Variants in LINGO2 observed in about 807,000 individuals in gnomAD.
LINGO2 encodes the protein leucine rich repeat and Ig domain containing 2.
A neutral mutation model predicts 30.6 loss-of-function variants in LINGO2; 14 were observed. The observed-to-expected ratio is 0.46, with a 90% CI of 0.30 to 0.72. The LOEUF (loss-of-function observed/expected upper bound fraction) is 0.72, where lower values mean the gene tolerates loss of function less well. Among genes scored for constraint, LINGO2 ranks in the 30% least tolerant of loss-of-function variants. The pLI is 0.07. For synonymous variants in LINGO2, 317 were observed against 288.5 expected (o/e 1.10, Z -1.00); for missense variants, 729 against 751.7 (o/e 0.97, Z 0.35).
In LINGO2 at chr9:28,652,698, G is replaced by A. The variant is rs1303986142; in HGVS notation, c.-365+17502C>T. ...TCCTTCTTATCTAGTAAGACATGTT[G>A]CTGAAATCCCAGAAAAAAAAAGGAA... On this transcript the variant is annotated intron_variant, in intron 1 of 5. Transcript: ENST00000379992. Among the ~76,000 whole-genome samples, 5 of 151,172 alleles carry A rather than the reference G, an allele frequency of 3.3e-5. No individual in the cohort carries two copies. The Admixed American group carries it at 3.3e-4, about 10-fold the overall frequency.
At chr9:28,119,614 C>A (rs1587024053) in intron 4 of LINGO2, among the ~76,000 whole-genome samples, 1 of 152,134 alleles carries the variant, frequency 6.6e-6, no homozygotes, top group African/African-American at 2.4e-5. Flanking sequence ...TTTTATCAAA[C>A]CTTTTGCCTG....
At chr9:28,486,932 A>G (rs1826191597) in intron 1 of LINGO2, among the ~76,000 whole-genome samples, 1 of 152,108 alleles carries the variant, frequency 6.6e-6, no homozygotes, top group South Asian at 2.1e-4. Flanking sequence ...CACAAAGAGA[A>G]AAAACATTTA....
At chr9:28,533,782 A>C (rs565771482) in intron 1 of LINGO2, among the ~76,000 whole-genome samples, 27 of 152,302 alleles carry the variant, frequency 1.8e-4, no homozygotes, top group Admixed American at 1.7e-3. Flanking sequence ...CAGCACCCAG[A>C]ACAGTACCTG....
chr9:28,710,235 C>A, the LINGO2 span, among the ~76,000 whole-genome samples: 1 of 151,766 alleles, frequency 6.6e-6, no homozygotes, highest in African/African-American at 2.4e-5. Flanking sequence ...GAGGACACAG[C>A]AAGAAGGTAA....
At chr9:28,081,417 A>G (rs1330212230) in intron 4 of LINGO2, among the ~76,000 whole-genome samples, 6 of 152,220 alleles carry the variant, frequency 3.9e-5, no homozygotes, top group African/African-American at 7.2e-5. Context: ...TAAAAGAGGG[A>G]AAAAAGTGCC....
intron 1 of LINGO2, among the ~76,000 whole-genome samples, chr9:28,589,066 C>T (rs1033124054): frequency 5.3e-5 from 8 of 152,174 alleles, no homozygotes; most frequent in East Asian, 1.9e-4. Context: ...ATTATCTCAA[C>T]AGATGCAGAA....
intron 5 of LINGO2, among the ~76,000 whole-genome samples, chr9:27,952,849 G>A (rs1237258328): frequency 6.6e-6 from 1 of 152,024 alleles, no homozygotes. Context: ...TGTGAATAAA[G>A]TTAGAAACCC....
chr9:28,211,907 TG>T (rs1820605281), intron 4 of LINGO2, among the ~76,000 whole-genome samples: 1 of 151,446 alleles, frequency 6.6e-6, no homozygotes, highest in African/African-American at 2.4e-5. Flanking sequence ...GTTAGTATTC[TG>T]CTTTGCATTC....
chr9:28,959,371 C>G, the LINGO2 span, among the ~76,000 whole-genome samples: 1 of 151,404 alleles, frequency 6.6e-6, no homozygotes, highest in Non-Finnish European at 1.5e-5. Context: ...AGAGATAGAT[C>G]AGAGGTGAGG....
chr9:27,989,443 CTCTGTGTGTGTGTGTG>C (rs1821282728), intron 5 of LINGO2, among the ~76,000 whole-genome samples: 3 of 125,812 alleles, frequency 2.4e-5, no homozygotes, highest in South Asian at 5.0e-4. Flanking sequence ...AGTGAATGCT[CTCTGTGTGTGTGTGTG>C]TGTGTGTGTG....
chr9:28,441,275 TTTTTTTTTTTTTTTG>T (rs1824186676), intron 2 of LINGO2, among the ~76,000 whole-genome samples: 1 of 136,498 alleles, frequency 7.3e-6, no homozygotes, highest in African/African-American at 2.8e-5. Flanking sequence ...TTTTTTTTTT[TTTTTTTTTTTTTTTG>T]GTGAATTAGC....
At position 28,338,504 on chromosome 9, in the gene LINGO2, G is replaced by T. The variant is rs114335235; in HGVS notation, c.-246+34332C>A. Among the ~76,000 whole-genome samples, 290 of 152,246 alleles carry T rather than the reference G, an allele frequency of 1.9e-3. 2 individuals carry two copies. The highest frequency in any genetic ancestry group is 6.5e-3 in the African/African-American group (268 of 41,548). ...TGTCTTTTGAAATGTGAGGACATGA[G>T]ATTTGGGAGGTACCAGGGGCAGAAT... On this transcript the variant is annotated intron_variant, in intron 3 of 5. Transcript: ENST00000379992.
At chr9:28,346,032 T>A (rs575038967) in intron 3 of LINGO2, among the ~76,000 whole-genome samples, 1 of 152,350 alleles carries the variant, frequency 6.6e-6, no homozygotes, top group East Asian at 1.9e-4. Context: ...TCCACAGATT[T>A]CTGATTTATC....
intron 4 of LINGO2, among the ~76,000 whole-genome samples, chr9:28,025,478 T>C (rs1245091222): frequency 6.6e-6 from 1 of 152,192 alleles, no homozygotes; most frequent in Non-Finnish European, 1.5e-5. Flanking sequence ...GCCTGACTTA[T>C]ATGTAGACTC....
chr9:29,114,138 T>C, the LINGO2 span, among the ~76,000 whole-genome samples: 69 of 149,816 alleles, frequency 4.6e-4, no homozygotes, highest in African/African-American at 1.7e-3. Context: ...CTTAAAAAAA[T>C]CTGTGAATGA....
intron 4 of LINGO2, among the ~76,000 whole-genome samples, chr9:28,149,669 TTA>T (rs1276624974): frequency 2.0e-4 from 28 of 138,298 alleles, no homozygotes; most frequent in African/African-American, 5.0e-4. Flanking sequence ...CCCGGCCCCC[TTA>T]CACTCTGGGA....
At chr9:28,521,319 A>G (rs1426496908) in intron 1 of LINGO2, among the ~76,000 whole-genome samples, 1 of 152,214 alleles carries the variant, frequency 6.6e-6, no homozygotes, top group African/African-American at 2.4e-5. Context: ...TATACTATTC[A>G]AAACTGTAGT....
the LINGO2 span, among the ~76,000 whole-genome samples, chr9:28,714,369 C>A: frequency 6.6e-6 from 1 of 151,696 alleles, no homozygotes; most frequent in Non-Finnish European, 1.5e-5. Context: ...AAATGCTTGC[C>A]AAGCACTTTT....
At chr9:28,938,785 G>T in the LINGO2 span, among the ~76,000 whole-genome samples, 1 of 151,986 alleles carries the variant, frequency 6.6e-6, no homozygotes, top group African/African-American at 2.4e-5. Context: ...TCTAACAATG[G>T]GTTTCTCAGA....
Sources: allele counts gnomAD v4.1 joint callset (sites outside exome capture counted in the v4.1 genomes callset), GRCh38; gene constraint gnomAD v4.1.1; transcripts MANE v1.5; gene names NCBI Gene and HGNC (gene_info 2026-07-23, HGNC 2026-07-21).